The following HSPA14 variants were observed in gnomAD, a reference collection of about 807,000 sequenced individuals.
HSPA14 encodes heat shock 70 kDa protein 14.
HSPA14 carries 37 observed loss-of-function variants against 65.5 expected under a neutral mutation model. That is an observed-to-expected ratio of 0.56 (90% CI 0.43 to 0.74). The LOEUF (loss-of-function observed/expected upper bound fraction) is 0.74, where lower values mean the gene tolerates loss of function less well. Among genes scored for constraint, HSPA14 ranks in the 30% least tolerant of loss-of-function variants. The probability of loss-of-function intolerance (pLI) is 0.00; values close to 1 mark genes in which losing one functional copy is unlikely to be tolerated. For synonymous variants in HSPA14, 203 were observed against 214.2 expected, an observed-to-expected ratio of 0.95 and a Z score of 0.46; for missense variants, 564 against 607.6, an observed-to-expected ratio of 0.93 and a Z score of 0.75.
chr10:14,844,483 T>C (rs1373464037), intron 3 of HSPA14: 24 of 982,056 alleles, frequency 2.4e-5, no homozygotes, highest in Non-Finnish European at 2.8e-5. Context: ...TGTGGCTCAT[T>C]AGACGACTAT....
intron 3 of HSPA14, chr10:14,846,224 T>C (rs1834051010): frequency 1.0e-6 from 1 of 975,536 alleles, no homozygotes; most frequent in South Asian, 4.7e-5. Flanking sequence ...GTGTCAATTA[T>C]AGGTAGGTAG....
At chr10:14,862,596 C>T (rs182451290) in intron 10 of HSPA14, among the ~76,000 whole-genome samples, 454 of 151,966 alleles carry the variant, frequency 3.0e-3, no homozygotes, top group African/African-American at 0.011. Context: ...AGGATGGTCT[C>T]AATCTCCTGA....
intron 11 of HSPA14, 131 bp downstream of exon 11, chr10:14,867,426 G>T: frequency 1.6e-6 from 1 of 637,412 alleles, no homozygotes. Flanking sequence ...ATACTGACAG[G>T]TCTTAAATTT....
At position 14,867,803 on chromosome 10, in the gene HSPA14, G is replaced by A. The variant is rs369860646; in HGVS notation, c.1274G>A (p.Arg425Gln). The A allele has an allele frequency of 4.3e-6, 7 of 1,614,068 alleles. No individual in the cohort carries two copies. In the East Asian group the frequency reaches 8.9e-5, roughly 21 times the overall value. ...LFPSGTPLPA[R>Q]RQHTLQAPGS... ...CCATCAGGGACTCCTTTGCCAGCTC[G>A]AAGACAACACACATTGCAAGCCCCT... The change falls in exon 12 of 14, where the codon CGA becomes CAA. Residue 425 changes from arginine to glutamine, a missense_variant. Arg to Gln is a conservative substitution (Grantham distance 43). Coordinates refer to ENST00000378372, the MANE Select transcript of HSPA14 (RefSeq NM_016299.4).
chr10:14,869,240 T>A (rs1832833634), intron 12 of HSPA14, among the ~76,000 whole-genome samples: 1 of 150,756 alleles, frequency 6.6e-6, no homozygotes, highest in African/African-American at 2.5e-5. Flanking sequence ...TACGTGTGTG[T>A]GTGTGTGTGT....
In HSPA14 at chr10:14,842,713, G is replaced by T; in HGVS notation, c.221+2556G>T. On this transcript the variant is annotated intron_variant, in intron 3 of 13. Coordinates refer to ENST00000378372, the MANE Select transcript of HSPA14 (RefSeq NM_016299.4). This position sits in a 1 kb window ranked among gnomAD's most constrained non-coding sequence, Gnocchi z 5.2. ...GAACCGGCATTCTAAAATCAAAAAGGACTCAGGCAGCTGATCATCAGCCTA... is the reference window on the plus strand; with the variant it reads ...GAACCGGCATTCTAAAATCAAAAAGTACTCAGGCAGCTGATCATCAGCCTA... 6.5e-7 allele frequency: 1 copy of T among 1,536,476 alleles called. No individual in the cohort carries two copies. Among genetic ancestry groups the T allele is most frequent in the African/African-American group, 1.4e-5 (1 of 73,170 alleles).
At chr10:14,848,330 C>G (rs1361143500) in intron 3 of HSPA14, among the ~76,000 whole-genome samples, 1 of 152,152 alleles carries the variant, frequency 6.6e-6, no homozygotes, top group Non-Finnish European at 1.5e-5. Flanking sequence ...AAAGTCACCT[C>G]AAAATATATA....
intron 10 of HSPA14, among the ~76,000 whole-genome samples, chr10:14,859,178 T>C (rs1832731789): frequency 1.3e-5 from 2 of 152,140 alleles, no homozygotes; most frequent in Non-Finnish European, 2.9e-5. Flanking sequence ...TCTATCACTA[T>C]GTGTTGACGA....
In HSPA14 at chr10:14,842,285, A is replaced by G. The variant is rs1833983496; in HGVS notation, c.221+2128A>G. 8 of 1,535,036 alleles carry G rather than the reference A, an allele frequency of 5.2e-6. No homozygotes were observed. The highest frequency in any genetic ancestry group is 2.7e-5 in the African/African-American group (2 of 73,008). ...GCCTAGCCCTCCTTTCCAACCCACA[A>G]TGGCCAGTGCCAATAGCAGTGCGGG... On this transcript the variant is annotated intron_variant, in intron 3 of 13. Coordinates refer to ENST00000378372, the MANE Select transcript of HSPA14 (RefSeq NM_016299.4). The surrounding 1 kb of genome is among the most constrained non-coding windows in gnomAD (Gnocchi z 5.2).
At chr10:14,861,469 G>T (rs892540348) in intron 10 of HSPA14, among the ~76,000 whole-genome samples, 1 of 152,098 alleles carries the variant, frequency 6.6e-6, no homozygotes, top group South Asian at 2.1e-4. Flanking sequence ...GGGACTACAG[G>T]TGTGTGCCTT....
At chr10:14,843,796 G>C (rs1223305962) in intron 3 of HSPA14, 1 of 1,536,360 alleles carries the variant, frequency 6.5e-7, no homozygotes, top group Non-Finnish European at 8.7e-7. Flanking sequence ...TGTCATCGCA[G>C]TCAGACGTTT....
At chr10:14,866,955 T>A in intron 10 of HSPA14, 128 bp from the exon 11 acceptor site, 1 of 609,912 alleles carries the variant, frequency 1.6e-6, no homozygotes, top group Non-Finnish European at 2.9e-6. Flanking sequence ...ACATAACATG[T>A]TAATATATAG....
intron 6 of HSPA14, chr10:14,851,005 A>G (rs928976608): frequency 2.0e-5 from 8 of 403,464 alleles, no homozygotes; most frequent in Non-Finnish European, 4.4e-6. Flanking sequence ...TGTGAAGAAT[A>G]TGGGCTCTGA....
intron 10 of HSPA14, among the ~76,000 whole-genome samples, chr10:14,863,862 AG>A (rs1172880909): frequency 6.6e-6 from 1 of 152,172 alleles, no homozygotes; most frequent in Non-Finnish European, 1.5e-5. Context: ...TTGGAGTTAC[AG>A]GGGTGGGCCC....
intron 3 of HSPA14, chr10:14,846,894 C>G: frequency 1.0e-6 from 1 of 985,418 alleles, no homozygotes; most frequent in South Asian, 4.7e-5. Context: ...ACTGCCTCCT[C>G]AAGTCCATCA....
rs1265248993 is a variant in HSPA14 at position 14,844,194 on chromosome 10, C to T, written c.221+4037C>T. 4 of 1,186,258 alleles carry T rather than the reference C, an allele frequency of 3.4e-6. No homozygotes were observed. The East Asian group carries it at 2.1e-4, about 61-fold the overall frequency. 73.5% of individuals were successfully genotyped at this position (1,186,258 alleles called of 1,614,324 possible). A position where few individuals can be genotyped will look rare whatever the true frequency, so the allele number is the denominator to read the frequency against. On this transcript the variant is annotated intron_variant, in intron 3 of 13. Transcript: ENST00000378372. ...GTTTACCTCCCTCCAGTGGTTTCCT[C>T]ATCCGTAAAATGGGGATCAATAATA...
chr10:14,860,255 A>G (rs1832740146), intron 10 of HSPA14, among the ~76,000 whole-genome samples: 2 of 152,192 alleles, frequency 1.3e-5, no homozygotes. Context: ...AAACTTATTT[A>G]CTGATTAACC....
At chr10:14,844,362 C>G (rs1834017445) in intron 3 of HSPA14, 1 of 1,026,500 alleles carries the variant, frequency 9.7e-7, no homozygotes, top group Non-Finnish European at 1.2e-6. Context: ...GATTGGTTTA[C>G]AAGATACAGA....
At chr10:14,853,313 G>T (rs1467979711) in intron 8 of HSPA14, among the ~76,000 whole-genome samples, 1 of 152,128 alleles carries the variant, frequency 6.6e-6, no homozygotes, top group Non-Finnish European at 1.5e-5. Flanking sequence ...ATATTTTGTT[G>T]TATGTGTCAA....
Sources: allele counts gnomAD v4.1 joint callset (sites outside exome capture counted in the v4.1 genomes callset), GRCh38; gene constraint gnomAD v4.1.1; non-coding constraint Gnocchi (gnomAD v3.1); transcripts MANE v1.5; gene names NCBI Gene and HGNC (gene_info 2026-07-23, HGNC 2026-07-21).